Variants in CTNND2 observed in about 807,000 individuals in gnomAD.
The protein encoded by CTNND2 is catenin delta-2.
Under a neutral mutation model 144.4 loss-of-function variants are expected in CTNND2, and 22 were observed. The observed-to-expected ratio is 0.15, with a 90% CI of 0.11 to 0.22. The LOEUF (loss-of-function observed/expected upper bound fraction) is 0.22, where lower values mean the gene tolerates loss of function less well. Ranked by LOEUF, CTNND2 falls within the 10% of genes least tolerant of loss-of-function variation. The pLI, the probability that CTNND2 is intolerant of heterozygous loss-of-function variation, is 1.00. For missense variants in CTNND2, 1,353 were observed against 1,618.8 expected (o/e 0.84, Z 2.82); for synonymous variants, 751 against 695.6 (o/e 1.08, Z -1.25).
chr5:11,400,040 A>T (rs1391491464), intron 5 of CTNND2, among the ~76,000 whole-genome samples: 1 of 152,224 alleles, frequency 6.6e-6, no homozygotes, highest in Admixed American at 6.5e-5. Flanking sequence ...CTTTATTAAT[A>T]TTACTGTGCA....
chr5:11,694,044 C>T (rs1302367761), intron 2 of CTNND2, among the ~76,000 whole-genome samples: 3 of 152,106 alleles, frequency 2.0e-5, no homozygotes, highest in East Asian at 1.9e-4. Flanking sequence ...ATATTTTCTC[C>T]GTAGGGCACA....
At chr5:11,176,595 G>T (rs918367916) in intron 11 of CTNND2, among the ~76,000 whole-genome samples, 8 of 151,978 alleles carry the variant, frequency 5.3e-5, no homozygotes, top group South Asian at 2.1e-4. Flanking sequence ...CATGGAGTGA[G>T]ATCCTATTGA....
chr5:11,812,669 T>C (rs1036965643), intron 1 of CTNND2, among the ~76,000 whole-genome samples: 2 of 152,152 alleles, frequency 1.3e-5, no homozygotes, highest in African/African-American at 4.8e-5. Context: ...AGCACTTTCG[T>C]TTGATGATTA....
chr5:11,557,770 G>A (rs867819795), intron 3 of CTNND2, among the ~76,000 whole-genome samples: 2 of 152,096 alleles, frequency 1.3e-5, no homozygotes, highest in African/African-American at 4.8e-5. Flanking sequence ...ACTGATGACG[G>A]GAATCTTGCT....
chr5:11,689,369 C>T (rs1288021003), intron 2 of CTNND2, among the ~76,000 whole-genome samples: 1 of 152,186 alleles, frequency 6.6e-6, no homozygotes, highest in East Asian at 1.9e-4. Flanking sequence ...TAATTAAAAT[C>T]TCTCTTCTCT....
intron 2 of CTNND2, among the ~76,000 whole-genome samples, chr5:11,678,687 G>A (rs1030821420): frequency 3.3e-5 from 5 of 152,096 alleles, no homozygotes; most frequent in Non-Finnish European, 5.9e-5. Context: ...TGCAGATCAC[G>A]AACAAAATTA....
At chr5:11,007,688 C>T (rs1282066039) in intron 18 of CTNND2, among the ~76,000 whole-genome samples, 1 of 152,236 alleles carries the variant, frequency 6.6e-6, no homozygotes. Context: ...AAGGTTGAAG[C>T]CAATTGGTAA....
At chr5:11,310,619 A>G (rs1190516964) in intron 9 of CTNND2, among the ~76,000 whole-genome samples, 2 of 151,784 alleles carry the variant, frequency 1.3e-5, no homozygotes, top group Admixed American at 6.6e-5. Flanking sequence ...GTTTCTCAAC[A>G]TGGAAACACC....
intron 11 of CTNND2, among the ~76,000 whole-genome samples, chr5:11,162,910 C>T (rs79140420): frequency 1.4e-3 from 68 of 49,576 alleles, no homozygotes; most frequent in Middle Eastern, 0.01. Flanking sequence ...CACACACACA[C>T]ACATACAGAC....
chr5:11,550,749 T>A (rs1775681909), intron 3 of CTNND2, among the ~76,000 whole-genome samples: 1 of 152,198 alleles, frequency 6.6e-6, no homozygotes, highest in Admixed American at 6.5e-5. Context: ...TTCTCCTGGA[T>A]AAAAGGGAAT....
chr5:11,297,739 C>G (rs911872515), intron 9 of CTNND2, among the ~76,000 whole-genome samples: 6 of 152,088 alleles, frequency 3.9e-5, no homozygotes, highest in African/African-American at 1.4e-4. Context: ...GAACCTCTAT[C>G]TTAGAGAGTT....
rs61753302 is a variant in CTNND2 at position 11,159,560 on chromosome 5, G to C, written c.2159+16C>G. 2 of 1,582,352 alleles carry C rather than the reference G, an allele frequency of 1.3e-6. No homozygotes were observed. The highest frequency in any genetic ancestry group is 2.7e-5 in the African/African-American group (2 of 74,170). On this transcript the variant is annotated intron_variant, in intron 12 of 21. Transcript: ENST00000304623. Reference sequence around the variant, plus strand: ...GGGAAGATGGTGGGAGGAGGCACTCGTGACACAGGACTGACCTTAGGCACC... The same window carrying C: ...GGGAAGATGGTGGGAGGAGGCACTCCTGACACAGGACTGACCTTAGGCACC...
At chr5:11,804,927 A>G (rs1168052626) in intron 1 of CTNND2, among the ~76,000 whole-genome samples, 2 of 152,208 alleles carry the variant, frequency 1.3e-5, no homozygotes, top group African/African-American at 2.4e-5. Flanking sequence ...ACCTCACTGA[A>G]GAAGGTGAGA....
intron 12 of CTNND2, among the ~76,000 whole-genome samples, chr5:11,126,943 C>A (rs114886427): frequency 1.3e-5 from 2 of 152,292 alleles, no homozygotes; most frequent in African/African-American, 4.8e-5. Context: ...AAAATGCGTA[C>A]TTTTAGATGC....
At chr5:11,016,631 G>T (rs72729251) in intron 18 of CTNND2, among the ~76,000 whole-genome samples, 8,987 of 152,234 alleles carry the variant, frequency 0.059, 339 homozygotes, top group East Asian at 0.1. Flanking sequence ...AGTGGCCAGG[G>T]GGCTGCAGGT....
At position 11,021,164 on chromosome 5, in the gene CTNND2, T is replaced by G. The variant is rs533063306; in HGVS notation, c.2999+1605A>C. Among the ~76,000 whole-genome samples, 3 of 152,310 alleles carry G rather than the reference T, an allele frequency of 2.0e-5. No homozygotes were observed. The South Asian group carries it at 6.2e-4, about 32-fold the overall frequency. ...ACCATAGGACTCAATAAAACTTTTT[T>G]TTCTCTTTAGGCCCATTTAGTGATG... On this transcript the variant is annotated intron_variant, in intron 17 of 21. Coordinates refer to ENST00000304623, the MANE Select transcript of CTNND2 (RefSeq NM_001332.4).
intron 3 of CTNND2, among the ~76,000 whole-genome samples, chr5:11,456,423 G>A (rs1765742802): frequency 6.6e-6 from 1 of 151,720 alleles, no homozygotes; most frequent in Admixed American, 6.6e-5. Flanking sequence ...AGCAACACGA[G>A]TTAGGTGTAG....
At chr5:11,093,182 T>A (rs1750956821) in intron 15 of CTNND2, among the ~76,000 whole-genome samples, 2 of 152,224 alleles carry the variant, frequency 1.3e-5, no homozygotes, top group South Asian at 4.1e-4. Flanking sequence ...AAACTGAGTG[T>A]ACAAAGATTT....
intron 2 of CTNND2, among the ~76,000 whole-genome samples, chr5:11,680,030 T>C (rs888801574): frequency 2.6e-5 from 4 of 152,140 alleles, no homozygotes; most frequent in African/African-American, 7.2e-5. Context: ...AGAAAGGGAC[T>C]TTGGAAGTGT....
Sources: allele counts gnomAD v4.1 joint callset (sites outside exome capture counted in the v4.1 genomes callset), GRCh38; gene constraint gnomAD v4.1.1; transcripts MANE v1.5; gene names NCBI Gene and HGNC (gene_info 2026-07-23, HGNC 2026-07-21).